Variants in P3H3 observed in about 807,000 individuals in gnomAD.
The protein encoded by P3H3 is gene rich cluster, B.
A neutral mutation model predicts 78.1 loss-of-function variants in P3H3; 64 were observed. The observed-to-expected ratio is 0.82, with a 90% CI of 0.67 to 1.01. The LOEUF (loss-of-function observed/expected upper bound fraction) is 1.01. P3H3 is among the 50% of genes least tolerant of loss of function. The pLI is 0.00. For missense variants in P3H3, 975 were observed against 982.2 expected (o/e 0.99, Z 0.10); for synonymous variants, 425 against 416.7 (o/e 1.02, Z -0.24).
At position 6,831,973 on chromosome 12, in the gene P3H3, T is replaced by C. The variant is rs1943455029; in HGVS notation, c.1212+59T>C. The C allele has an allele frequency of 1.0e-6, 1 of 974,134 alleles. No individual in the cohort carries two copies. Among genetic ancestry groups the C allele is most frequent in the African/African-American group, 1.6e-5 (1 of 61,130 alleles). 60.3% of individuals were successfully genotyped at this position (974,134 alleles called of 1,614,324 possible). On this transcript the variant is annotated intron_variant, in intron 6 of 14. Coordinates refer to ENST00000290510, the MANE Select transcript of P3H3 (RefSeq NM_014262.5). This position sits in a 1 kb window ranked among gnomAD's most constrained non-coding sequence, Gnocchi z 4.6. ...CCGCACTCCCAGGAGGGATGGCACT[T>C]TGGTTTGCAACAGAGTTTTCCATTT...
At chr12:6,833,870 T>TCTGC (rs1240225759) in intron 8 of P3H3, 55 bp from the exon 9 acceptor site, 1 of 1,613,626 alleles carries the variant, frequency 6.2e-7, no homozygotes, top group Non-Finnish European at 8.5e-7. Flanking sequence ...CAGCTACTGC[T>TCTGC]CTGCCTGCCC....
In P3H3 at chr12:6,830,761, C is replaced by T; in HGVS notation, c.976C>T (p.His326Tyr). Reference sequence around the variant, plus strand: ...CCAGCTGAGGCGGCTACATGAGGCCCATGCTCAGGGTCAGTTGGGGAAGGG... The same window carrying T: ...CCAGCTGAGGCGGCTACATGAGGCCTATGCTCAGGGTCAGTTGGGGAAGGG... ...PNQLRRLHEA[H>Y]AQVGNLSQAI... is the part of the protein sequence containing the mutation. Residue 326 changes from histidine (H) to tyrosine (Y), a missense_variant, in exon 4 of 15, where the codon CAT (histidine) becomes TAT (tyrosine). Transcript: ENST00000290510. The T allele has an allele frequency of 6.2e-7, 1 of 1,613,980 alleles. No homozygotes were observed.
rs1009721570 is a variant in P3H3, at chr12:6,831,951, C to T, written c.1212+37C>T. ...CACTTCTGCCCATCTCACCCCTCCG[C>T]ACTCCCAGGAGGGATGGCACTTTGG... On this transcript the variant is annotated intron_variant, in intron 6 of 14. Transcript: ENST00000290510. This position sits in a 1 kb window ranked among gnomAD's most constrained non-coding sequence, Gnocchi z 4.6. 2.2e-5 allele frequency: 27 copies of T among 1,213,772 alleles called. No homozygotes were observed. The highest frequency in any genetic ancestry group is 3.8e-5 in the South Asian group (3 of 78,948). 75.2% of individuals were successfully genotyped at this position (1,213,772 alleles called of 1,614,324 possible).
At chr12:6,837,683 A>AGATG (rs1467314044) in intron 11 of P3H3, 49 bp from the exon 12 acceptor site, 4 of 1,584,512 alleles carry the variant, frequency 2.5e-6, no homozygotes, top group Non-Finnish European at 3.4e-6. Flanking sequence ...ACAGGGTGGC[A>AGATG]GATGGGCACA....
Position 6,837,422 on chromosome 12 carries a change from G to A in P3H3, c.1561-1G>A. 1 of 1,609,324 alleles carries A rather than the reference G, an allele frequency of 6.2e-7. No homozygotes were observed. Among genetic ancestry groups the A allele is most frequent in the South Asian group, 1.1e-5 (1 of 89,984 alleles). On this transcript the variant is annotated splice_acceptor_variant, in intron 10 of 14. Coordinates refer to ENST00000290510, the MANE Select transcript of P3H3 (RefSeq NM_014262.5). LOFTEE classifies it high-confidence loss of function. Reference sequence around the variant, plus strand: ...TCTGCCCTGCCTTTCACTGCCTGCAGCTGGCCCGGGCTGGGACAGTGGGCA... The same window carrying A: ...TCTGCCCTGCCTTTCACTGCCTGCAACTGGCCCGGGCTGGGACAGTGGGCA...
intron 10 of P3H3, 162 bp downstream of exon 10, chr12:6,837,248 G>C (rs1943507716): frequency 9.7e-7 from 1 of 1,026,454 alleles, no homozygotes; most frequent in Non-Finnish European, 1.4e-6. Context: ...CTGAGAGCTG[G>C]GGCCGGGGTT....
chr12:6,833,809 G>T lies in P3H3; in HGVS notation c.1333G>T (p.Asp445Tyr), dbSNP rs782225437. The change falls in exon 8 of 15, where the codon GAT (aspartate) becomes TAT (tyrosine). Residue 445 changes from aspartate (D) to tyrosine (Y), a missense_variant and splice_region_variant. Physicochemically the swap from Asp to Tyr is radical, Grantham distance 160. Coordinates refer to ENST00000290510, the MANE Select transcript of P3H3 (RefSeq NM_014262.5). Reference protein sequence around the residue: ...VKPKPLTYWKDVLLLEGVTLT... With the variant: ...VKPKPLTYWKYVLLLEGVTLT... The stretch of plus-strand genomic sequence containing the variant: ...GCCAAAGCCCTTGACCTACTGGAAG[G>T]GTGAGTTCCTGGGAGGGAGAAGGCA... 5.6e-5 allele frequency: 91 copies of T among 1,611,702 alleles called. No homozygotes were observed. Among genetic ancestry groups the T allele is most frequent in the Non-Finnish European group, 7.3e-5 (86 of 1,177,978 alleles).
intron 2 of P3H3, 28 bp from the exon 3 acceptor site, chr12:6,830,325 G>A: frequency 6.4e-7 from 1 of 1,557,464 alleles, no homozygotes; most frequent in Non-Finnish European, 8.7e-7. Context: ...CTGGATCTTA[G>A]GTGACTGACT....
At position 6,837,833 on chromosome 12, in the gene P3H3, A is replaced by C. The variant is rs150684443; in HGVS notation, c.1813A>C (p.Thr605Pro). The C allele has an allele frequency of 3.4e-4, 545 of 1,610,610 alleles. 3 individuals carry two copies. In the African/African-American group the frequency reaches 6.5e-3, roughly 19 times the overall value. ...GTGCTGGCGGGAGCCCCCAGCCTACACCTATCGGGACTACAGGTGGGCAGC... is the reference window on the plus strand; with the variant it reads ...GTGCTGGCGGGAGCCCCCAGCCTACCCCTATCGGGACTACAGGTGGGCAGC... Reference protein sequence around the residue: ...GECWREPPAYTYRDYSGLLYL... With the variant: ...GECWREPPAYPYRDYSGLLYL... Residue 605 changes from threonine to proline, a missense_variant, in exon 12 of 15, where the codon ACC (threonine) becomes CCC (proline). By Grantham distance (38) the Thr-to-Pro change is conservative. Transcript: ENST00000290510.
At chr12:6,832,294 C>T (rs1033346197) in intron 6 of P3H3, among the ~76,000 whole-genome samples, 1 of 152,172 alleles carries the variant, frequency 6.6e-6, no homozygotes, top group African/African-American at 2.4e-5. Flanking sequence ...AACTGCGGGG[C>T]GGAGGTTATC....
Position 6,830,507 on chromosome 12 carries a change from AG to A in P3H3, c.808del (p.Glu270ArgfsTer50), listed in dbSNP as rs782324130. On this transcript the variant is annotated frameshift_variant, in exon 3 of 15. Transcript: ENST00000290510. LOFTEE classifies it high-confidence loss of function. ...GPEEQQGAEEEEDGAASQGGL... is the reference protein window; with the variant it reads ...GPEEQQGAEEXEDGAASQGGL... The stretch of plus-strand genomic sequence containing the variant: ...GAGGAGCAGCAGGGGGCTGAAGAAG[AG>A]GAGGATGGGGCTGCGAGCCAGGGGG... 7 of 1,582,684 alleles carry A rather than the reference AG, an allele frequency of 4.4e-6. No homozygotes were observed. The highest frequency in any genetic ancestry group is 6.0e-6 in the Non-Finnish European group (7 of 1,165,016).
At chr12:6,832,664 C>T (rs782175744) in intron 6 of P3H3, among the ~76,000 whole-genome samples, 1 of 151,916 alleles carries the variant, frequency 6.6e-6, no homozygotes, top group African/African-American at 2.4e-5. Flanking sequence ...GGCAATGGTG[C>T]GATCTTGGCT....
rs201752100 is a variant in P3H3, at chr12:6,830,522, C to T, written c.821C>T (p.Ala274Val). 373 of 1,573,806 alleles carry T rather than the reference C, an allele frequency of 2.4e-4. No individual in the cohort carries two copies. Among genetic ancestry groups the T allele is most frequent in the Non-Finnish European group, 2.8e-4 (326 of 1,160,310 alleles). Residue 274 changes from alanine (A) to valine (V), a missense_variant, in exon 3 of 15, where the codon GCG becomes GTG. Ala to Val is a moderately conservative substitution (Grantham distance 64). Coordinates refer to ENST00000290510, the MANE Select transcript of P3H3 (RefSeq NM_014262.5). ...QGAEEEEDGA[A>V]SQGGLYEAIA... ...GCTGAAGAAGAGGAGGATGGGGCTG[C>T]GAGCCAGGGGGGCCTCTATGAGGCC...
Position 6,829,971 on chromosome 12 carries a change from G to C in P3H3, c.611G>C (p.Arg204Pro). 6.2e-7 allele frequency: 1 copy of C among 1,613,960 alleles called. No individual in the cohort carries two copies. Among genetic ancestry groups the C allele is most frequent in the Non-Finnish European group, 8.5e-7 (1 of 1,179,868 alleles). Residue 204 changes from arginine (R) to proline (P), a missense_variant, in exon 2 of 15, where the codon CGG becomes CCG. Transcript: ENST00000290510. The surrounding 1 kb of genome is among the most constrained non-coding windows in gnomAD (Gnocchi z 5.1). The stretch of plus-strand genomic sequence containing the variant: ...AAGTACAGACGAATGTCGGGAGTTC[G>C]GCCCCAGAGCTTCCGGGACCTGGAG... ...MAKYRRMSGV[R>P]PQSFRDLETP...
At chr12:6,837,126 C>T in intron 10 of P3H3, 40 bp downstream of exon 10, 1 of 1,528,052 alleles carries the variant, frequency 6.5e-7, no homozygotes, top group South Asian at 1.1e-5. Context: ...GATGCCCAGA[C>T]CTGGAGGAGA....
chr12:6,835,795 G>A (rs1044402811), intron 9 of P3H3, among the ~76,000 whole-genome samples: 5 of 152,106 alleles, frequency 3.3e-5, no homozygotes, highest in African/African-American at 1.2e-4. Context: ...AGGATTTTAG[G>A]ACGGTTGACT....
chr12:6,829,018 C>G lies in P3H3; in HGVS notation c.498+80C>G. 1 of 869,026 alleles carries G rather than the reference C, an allele frequency of 1.2e-6. No individual in the cohort carries two copies. The highest frequency in any genetic ancestry group is 1.5e-6 in the Non-Finnish European group (1 of 656,518). The allele number at this position is 869,026 out of a possible 1,614,324, so 53.8% of individuals were successfully genotyped here. ...CTACTTTGCGTTGCCCAGGAGTAGGCGGAATGCTGTTGCCCGGGCCCCGCA... is the reference window on the plus strand; with the variant it reads ...CTACTTTGCGTTGCCCAGGAGTAGGGGGAATGCTGTTGCCCGGGCCCCGCA... On this transcript the variant is annotated intron_variant, in intron 1 of 14. Coordinates refer to ENST00000290510, the MANE Select transcript of P3H3 (RefSeq NM_014262.5). The surrounding 1 kb of genome is among the most constrained non-coding windows in gnomAD (Gnocchi z 5.1).
chr12:6,837,212 G>C, intron 10 of P3H3, 126 bp downstream of exon 10: 1 of 995,532 alleles, frequency 1.0e-6, no homozygotes, highest in Non-Finnish European at 1.5e-6. Context: ...TACCTGATAG[G>C]ACCCAGCGTG....
Position 6,839,135 on chromosome 12 carries a change from G to A in P3H3, c.2041G>A (p.Glu681Lys), listed in dbSNP as rs1555122686. 1 of 1,600,942 alleles carries A rather than the reference G, an allele frequency of 6.2e-7. No homozygotes were observed. The highest frequency in any genetic ancestry group is 2.2e-5 in the East Asian group (1 of 44,752). ...GCACACGTGGGCACCTGAGCACAGG[G>A]AGCAGGTAAGGAGCGGGGTAGGAAG... ...LWHTWAPEHREQEWIEAKELL... is the reference protein window; with the variant it reads ...LWHTWAPEHRKQEWIEAKELL... The change falls in exon 14 of 15, where the codon GAG (glutamate) becomes AAG (lysine). Residue 681 changes from glutamate (E) to lysine (K), a missense_variant. Physicochemically the swap from Glu to Lys is moderately conservative, Grantham distance 56 (BLOSUM62 1). Transcript: ENST00000290510.
Sources: gnomAD v4.1 joint callset for allele counts (sites outside exome capture counted in the v4.1 genomes callset) on GRCh38, gnomAD v4.1.1 for gene constraint, Gnocchi (gnomAD v3.1) non-coding constraint, MANE v1.5 for transcripts, NCBI Gene and HGNC (gene_info 2026-07-23, HGNC 2026-07-21) for gene names.